UPF2: variants seen among roughly 807,000 people sequenced by gnomAD.
The protein encoded by UPF2 is UPF2 regulator of nonsense mediated mRNA decay, also known as regulator of nonsense transcripts 2.
UPF2 carries 17 observed loss-of-function variants against 141.4 expected under a neutral mutation model. The ratio of observed to expected loss-of-function variants is 0.12; its 90% CI spans 0.08 to 0.18. UPF2 has a LOEUF of 0.18. Ranked by LOEUF, UPF2 falls within the 10% of genes least tolerant of loss-of-function variation. UPF2 has a pLI of 1.00. For synonymous variants in UPF2, 540 were observed against 498.0 expected (o/e 1.08, Z -1.12); for missense variants, 1,152 against 1,515.9 (o/e 0.76, Z 3.99).
Position 11,921,271 on chromosome 10 carries a change from C to A in UPF2, c.*27G>T. On this transcript the variant is annotated 3_prime_UTR_variant, in exon 22 of 22. Transcript: ENST00000357604. This position sits in a 1 kb window ranked among gnomAD's most constrained non-coding sequence, Gnocchi z 5.9. Reference sequence around the variant, plus strand: ...ACTAACCACAACATCAGATACAGGACCTAATGAAATGACACGTGCTGCTGG... The same window carrying A: ...ACTAACCACAACATCAGATACAGGAACTAATGAAATGACACGTGCTGCTGG... 1 of 1,614,018 alleles carries A rather than the reference C, an allele frequency of 6.2e-7. No individual in the cohort carries two copies. Among genetic ancestry groups the A allele is most frequent in the Non-Finnish European group, 8.5e-7 (1 of 1,179,958 alleles).
intron 11 of UPF2, among the ~76,000 whole-genome samples, chr10:11,960,316 G>A (rs192169315): frequency 6.6e-6 from 1 of 152,282 alleles, no homozygotes; most frequent in African/African-American, 2.4e-5. Context: ...GGAAGCTGAG[G>A]TGAGAGAGTC....
In UPF2 at chr10:11,954,643, A is replaced by AATAT. The variant is rs1554775869; in HGVS notation, c.2850+585_2850+588dup. On this transcript the variant is annotated intron_variant, in intron 14 of 21. Coordinates refer to ENST00000357604, the MANE Select transcript of UPF2 (RefSeq NM_015542.4). ...AGCAAGACTTACTCTCAAAAAAAAA[A>AATAT]ATATATATATATATATATACATATA... 1.9e-4 allele frequency among the ~76,000 whole-genome samples: 25 copies of AATAT among 128,346 alleles called. No individual in the cohort carries two copies. The East Asian group carries it at 4.1e-3, about 21-fold the overall frequency. The allele number at this position is 128,346 out of a possible 152,430, so 84.2% of individuals were successfully genotyped here.
At chr10:11,927,378 G>A (rs754820583) in intron 21 of UPF2, among the ~76,000 whole-genome samples, 2 of 152,218 alleles carry the variant, frequency 1.3e-5, no homozygotes, top group Non-Finnish European at 2.9e-5. Flanking sequence ...AAAAGTAATT[G>A]CAGTTTTTCC....
chr10:11,979,208 C>A lies in UPF2; in HGVS notation c.1845-43G>T. 2 of 1,434,384 alleles carry A rather than the reference C, an allele frequency of 1.4e-6. No homozygotes were observed. Among genetic ancestry groups the A allele is most frequent in the South Asian group, 1.2e-5 (1 of 80,896 alleles). 88.9% of individuals were successfully genotyped at this position (1,434,384 alleles called of 1,614,324 possible). ...GATATGTGTCAAAGGAAAGACATATCAAAAATAATTCATTTTAAAATTTAA... is the reference window on the plus strand; with the variant it reads ...GATATGTGTCAAAGGAAAGACATATAAAAAATAATTCATTTTAAAATTTAA... On this transcript the variant is annotated intron_variant, in intron 8 of 21. Transcript: ENST00000357604. The surrounding 1 kb of genome is among the most constrained non-coding windows in gnomAD (Gnocchi z 6.2).
chr10:12,040,346 C>T (rs948090145), intron 1 of UPF2, among the ~76,000 whole-genome samples: 3 of 152,024 alleles, frequency 2.0e-5, no homozygotes, highest in African/African-American at 7.3e-5. Context: ...CACTTGAACC[C>T]GGGAGGCGGA....
At chr10:11,968,992 C>T (rs993464398) in intron 9 of UPF2, among the ~76,000 whole-genome samples, 1 of 152,084 alleles carries the variant, frequency 6.6e-6, no homozygotes, top group African/African-American at 2.4e-5. Context: ...TCCCGAGTAG[C>T]TGCGATTACA....
intron 9 of UPF2, among the ~76,000 whole-genome samples, chr10:11,973,480 A>T (rs1833454521): frequency 6.6e-6 from 1 of 152,178 alleles, no homozygotes; most frequent in Non-Finnish European, 1.5e-5. Context: ...CTTGAAAGGT[A>T]CTGTCTAGGT....
chr10:11,963,959 A>T, intron 11 of UPF2, 50 bp downstream of exon 11: 5 of 1,330,440 alleles, frequency 3.8e-6, no homozygotes, highest in Non-Finnish European at 5.3e-6. Flanking sequence ...CCTCTGAAGC[A>T]CAGGTAAATC....
chr10:11,982,036 T>TAA (rs34301046), intron 8 of UPF2, among the ~76,000 whole-genome samples: 54 of 148,832 alleles, frequency 3.6e-4, no homozygotes, highest in South Asian at 6.4e-4. Flanking sequence ...TTCCTACTAT[T>TAA]AAAAAAAAAA....
chr10:12,037,674 G>T (rs1026308839), intron 1 of UPF2, among the ~76,000 whole-genome samples: 1 of 151,972 alleles, frequency 6.6e-6, no homozygotes, highest in African/African-American at 2.4e-5. Flanking sequence ...TTACAAGCAT[G>T]AGCCACAGTG....
At chr10:11,997,564 A>G in intron 8 of UPF2, 108 bp downstream of exon 8, 1 of 966,402 alleles carries the variant, frequency 1.0e-6, no homozygotes, top group Non-Finnish European at 1.6e-6. Context: ...AATGACCTAC[A>G]GAGTGAATAA....
Position 11,997,760 on chromosome 10 carries a change from AT to A in UPF2, c.1759-4del, listed in dbSNP as rs773258011. On this transcript the variant is annotated splice_polypyrimidine_tract_variant and splice_region_variant and intron_variant, in intron 7 of 21. Transcript: ENST00000357604. ...TTCATGCAAAAATCCATTGCTGCCT[AT>A]TGGGAAAAAGTAAACTTTTTCTTTA... The A allele has an allele frequency of 1.4e-5, 22 of 1,613,524 alleles. No individual in the cohort carries two copies. Among genetic ancestry groups the A allele is most frequent in the Middle Eastern group, 1.6e-4 (1 of 6,074 alleles).
At chr10:12,011,900 G>A (rs970359849) in intron 4 of UPF2, among the ~76,000 whole-genome samples, 6 of 151,696 alleles carry the variant, frequency 4.0e-5, no homozygotes, top group East Asian at 3.9e-4. Flanking sequence ...AGCCGAGATC[G>A]CGCCTTTGCA....
intron 4 of UPF2, among the ~76,000 whole-genome samples, chr10:12,006,619 A>C (rs1834039839): frequency 6.6e-6 from 1 of 152,218 alleles, no homozygotes; most frequent in Admixed American, 6.5e-5. Context: ...ACATATTTAC[A>C]ACTTCTGTTT....
chr10:11,933,519 A>G (rs1832806671), intron 19 of UPF2, among the ~76,000 whole-genome samples: 1 of 152,232 alleles, frequency 6.6e-6, no homozygotes, highest in South Asian at 2.1e-4. Context: ...GCTACATTTT[A>G]AGAAACAAGG....
At chr10:11,950,937 G>A (rs986740567) in intron 15 of UPF2, among the ~76,000 whole-genome samples, 4 of 152,168 alleles carry the variant, frequency 2.6e-5, no homozygotes, top group Admixed American at 1.3e-4. Flanking sequence ...ATGCGATGTC[G>A]TAAATTTATA....
rs1428101251 is a variant in UPF2, at chr10:12,019,323, T to C, written c.1146-5139A>G. Among the ~76,000 whole-genome samples, 3 of 152,248 alleles carry C rather than the reference T, an allele frequency of 2.0e-5. No homozygotes were observed. Among genetic ancestry groups the C allele is most frequent in the African/African-American group, 7.2e-5 (3 of 41,468 alleles). ...GTAATAAAATGTTATTTATGAACAC[T>C]GAAATTTGAACTTCAAATCATTTTC... is the stretch of plus-strand genomic sequence containing the variant. On this transcript the variant is annotated intron_variant, in intron 3 of 21. Transcript: ENST00000357604. This position sits in a 1 kb window ranked among gnomAD's most constrained non-coding sequence, Gnocchi z 4.5.
chr10:11,965,635 A>G (rs111912968), intron 10 of UPF2, among the ~76,000 whole-genome samples: 17 of 151,950 alleles, frequency 1.1e-4, no homozygotes, highest in African/African-American at 3.9e-4. Flanking sequence ...AATTTTTTGT[A>G]TGTTTAGTAG....
In UPF2 at chr10:11,931,994, C is replaced by T. The variant is rs1832787360; in HGVS notation, c.3547-212G>A. ...TGAAACCCCGTCTTTACTAAAAACA[C>T]AAAAATTAGCTGGGTGTGGTGGCAT... On this transcript the variant is annotated intron_variant, in intron 19 of 21. Transcript: ENST00000357604. This position sits in a 1 kb window ranked among gnomAD's most constrained non-coding sequence, Gnocchi z 5.9. Among the ~76,000 whole-genome samples the T allele has an allele frequency of 6.6e-6, 1 of 152,012 alleles. No individual in the cohort carries two copies. The highest frequency in any genetic ancestry group is 1.5e-5 in the Non-Finnish European group (1 of 67,992).
Sources: allele counts gnomAD v4.1 joint callset (sites outside exome capture counted in the v4.1 genomes callset), GRCh38; gene constraint gnomAD v4.1.1; non-coding constraint Gnocchi (gnomAD v3.1); transcripts MANE v1.5; gene names NCBI Gene and HGNC (gene_info 2026-07-23, HGNC 2026-07-21).